Variants in NEGR1 observed in about 807,000 individuals in gnomAD.
NEGR1 encodes the protein neuronal growth regulator 1.
Under a neutral mutation model 40.9 loss-of-function variants are expected in NEGR1, and 10 were observed. That is an observed-to-expected ratio of 0.24 (90% CI 0.15 to 0.42). NEGR1 has a LOEUF of 0.42. NEGR1 is among the 10% of genes least tolerant of loss of function. The pLI is 1.00. For synonymous variants in NEGR1, 185 were observed against 166.8 expected, an observed-to-expected ratio of 1.11 and a Z score of -0.84; for missense variants, 352 against 438.9, an observed-to-expected ratio of 0.80 and a Z score of 1.77.
chr1:72,102,980 T>C (rs1188119068), intron 1 of NEGR1, among the ~76,000 whole-genome samples: 1 of 152,114 alleles, frequency 6.6e-6, no homozygotes. Flanking sequence ...GGAATAAAGA[T>C]ACATATCATA....
At chr1:71,635,728 G>A (rs2101568784) in intron 4 of NEGR1, among the ~76,000 whole-genome samples, 1 of 152,178 alleles carries the variant, frequency 6.6e-6, no homozygotes, top group East Asian at 1.9e-4. Flanking sequence ...ATCAAATGAA[G>A]AGATATGTAG....
At chr1:72,191,202 T>C (rs573525062) in intron 1 of NEGR1, among the ~76,000 whole-genome samples, 6 of 151,910 alleles carry the variant, frequency 3.9e-5, no homozygotes, top group Admixed American at 1.3e-4. Context: ...AGAGATCACA[T>C]TGCTCTTCCA....
intron 1 of NEGR1, among the ~76,000 whole-genome samples, chr1:72,180,022 G>GAA (rs529499731): frequency 1.3e-5 from 2 of 151,814 alleles, no homozygotes; most frequent in Non-Finnish European, 2.9e-5. Flanking sequence ...AACAGAAATA[G>GAA]AAAAAAATCC....
chr1:71,486,596 C>T (rs948543560), intron 6 of NEGR1: 1 of 151,434 alleles, frequency 6.6e-6, no homozygotes, highest in Non-Finnish European at 1.5e-5. Flanking sequence ...TTTTTATCCT[C>T]TTATTGCTAG....
intron 1 of NEGR1, among the ~76,000 whole-genome samples, chr1:72,138,600 T>G (rs1194589507): frequency 6.6e-6 from 1 of 151,906 alleles, no homozygotes; most frequent in Non-Finnish European, 1.5e-5. Context: ...AAAGGTTATT[T>G]CAGAGCAAAG....
At chr1:71,461,020 G>A (rs949180418) in intron 6 of NEGR1, among the ~76,000 whole-genome samples, 4 of 151,562 alleles carry the variant, frequency 2.6e-5, no homozygotes, top group Non-Finnish European at 4.4e-5. Flanking sequence ...TCTGTCTTGT[G>A]TTTGTCATGT....
At position 72,088,792 on chromosome 1, in the gene NEGR1, CTCTCTTTTT is replaced by C. The variant is rs1346637956; in HGVS notation, c.177-153490_177-153482del. Among the ~76,000 whole-genome samples the C allele has an allele frequency of 1.5e-3, 189 of 124,148 alleles. 6 individuals are homozygous for C. The highest frequency in any genetic ancestry group is 9.3e-3 in the Admixed American group (98 of 10,564). 81.4% of individuals were successfully genotyped at this position (124,148 alleles called of 152,430 possible). ...AACAATGTATAATGTAGTTCTCTCT[CTCTCTTTTT>C]TTTTTTTTTTTTTTTTTTTTTTGAG... On this transcript the variant is annotated intron_variant, in intron 1 of 6. Coordinates refer to ENST00000357731, the MANE Select transcript of NEGR1 (RefSeq NM_173808.3).
At chr1:71,641,815 T>C (rs1570141369) in intron 4 of NEGR1, among the ~76,000 whole-genome samples, 2 of 152,064 alleles carry the variant, frequency 1.3e-5, no homozygotes, top group South Asian at 4.1e-4. Context: ...TGAGTAGAGA[T>C]GTGGAGATAA....
intron 2 of NEGR1, among the ~76,000 whole-genome samples, chr1:71,858,038 G>A (rs1659836310): frequency 6.6e-6 from 1 of 151,876 alleles, no homozygotes; most frequent in African/African-American, 2.4e-5. Context: ...GTTGCAATTT[G>A]GCTTTCACTT....
chr1:72,215,480 AGT>A (rs1653766644), intron 1 of NEGR1, among the ~76,000 whole-genome samples: 2 of 152,244 alleles, frequency 1.3e-5, no homozygotes, highest in African/African-American at 4.8e-5. Flanking sequence ...ACAAAGGTCT[AGT>A]ATCCAGAATC....
intron 1 of NEGR1, among the ~76,000 whole-genome samples, chr1:72,068,725 A>T (rs566409345): frequency 6.6e-6 from 1 of 152,210 alleles, no homozygotes; most frequent in African/African-American, 2.4e-5. Flanking sequence ...AGTACCAGCT[A>T]TGTAAATACT....
chr1:72,223,880 T>C (rs1269912107), intron 1 of NEGR1, among the ~76,000 whole-genome samples: 1 of 152,130 alleles, frequency 6.6e-6, no homozygotes, highest in Non-Finnish European at 1.5e-5. Context: ...TCCCAGCAGC[T>C]TGACAGCTTT....
chr1:71,749,087 CACTT>C (rs1392982787), intron 3 of NEGR1, among the ~76,000 whole-genome samples: 1 of 152,122 alleles, frequency 6.6e-6, no homozygotes, highest in African/African-American at 2.4e-5. Context: ...TATCAAAACA[CACTT>C]ACATCAACAA....
chr1:72,131,276 T>C (rs574271656), intron 1 of NEGR1, among the ~76,000 whole-genome samples: 1 of 152,284 alleles, frequency 6.6e-6, no homozygotes, highest in South Asian at 2.1e-4. Context: ...TTAAGTTGTG[T>C]CAGGTATTTT....
intron 2 of NEGR1, among the ~76,000 whole-genome samples, chr1:71,867,101 C>T (rs1485831042): frequency 6.6e-6 from 1 of 152,142 alleles, no homozygotes; most frequent in Admixed American, 6.6e-5. Flanking sequence ...GCCTGTAATC[C>T]CGGCACTTTG....
intron 1 of NEGR1, among the ~76,000 whole-genome samples, chr1:72,190,387 A>C (rs1652777384): frequency 6.6e-6 from 1 of 151,634 alleles, no homozygotes; most frequent in South Asian, 2.1e-4. Flanking sequence ...TCTAATTTAC[A>C]TGAAATCCCT....
intron 1 of NEGR1, among the ~76,000 whole-genome samples, chr1:72,269,772 T>C (rs533389378): frequency 5.3e-5 from 8 of 151,642 alleles, no homozygotes; most frequent in African/African-American, 1.2e-4. Flanking sequence ...AGAATATCTA[T>C]AGTAGTTTTA....
At chr1:72,087,308 G>A (rs1489823838) in intron 1 of NEGR1, among the ~76,000 whole-genome samples, 2 of 152,040 alleles carry the variant, frequency 1.3e-5, no homozygotes, top group Non-Finnish European at 2.9e-5. Context: ...GCGCGGATCT[G>A]TAATCCCAGC....
At chr1:71,802,647 C>A (rs1657603115) in intron 2 of NEGR1, among the ~76,000 whole-genome samples, 1 of 152,152 alleles carries the variant, frequency 6.6e-6, no homozygotes, top group Admixed American at 6.6e-5. Flanking sequence ...GCCTGGAGAG[C>A]AGAGCATCTG....
Sources: allele counts gnomAD v4.1 joint callset (sites outside exome capture counted in the v4.1 genomes callset), GRCh38; gene constraint gnomAD v4.1.1; transcripts MANE v1.5; gene names NCBI Gene and HGNC (gene_info 2026-07-23, HGNC 2026-07-21).